Variants in JAZF1 observed in about 807,000 individuals in gnomAD.
The protein encoded by JAZF1 is juxtaposed with another zinc finger protein 1.
In JAZF1, 8 loss-of-function variants were observed where a neutral mutation model predicts 26.4. That is an observed-to-expected ratio of 0.30 (90% CI 0.18 to 0.55). The LOEUF (loss-of-function observed/expected upper bound fraction) is 0.55. JAZF1 is among the 20% of genes least tolerant of loss of function. JAZF1 has a pLI of 0.94. For synonymous variants in JAZF1, 126 were observed against 122.3 expected, an observed-to-expected ratio of 1.03 and a Z score of -0.20; for missense variants, 199 against 322.0, an observed-to-expected ratio of 0.62 and a Z score of 2.92.
At chr7:27,963,727 T>A (rs1386198041) in intron 2 of JAZF1, among the ~76,000 whole-genome samples, 2 of 772 alleles carry the variant, frequency 2.6e-3, no homozygotes, top group African/African-American at 0.062. Context: ...ACACCGGTTT[T>A]GTTTTGTTTT....
chr7:28,170,999 G>A (rs1001324563), intron 1 of JAZF1, among the ~76,000 whole-genome samples: 1 of 152,054 alleles, frequency 6.6e-6, no homozygotes, highest in Non-Finnish European at 1.5e-5. Flanking sequence ...AATCAATCTC[G>A]GGATCCCCCC....
chr7:28,144,826 T>G (rs1783001327), intron 1 of JAZF1, among the ~76,000 whole-genome samples: 2 of 152,206 alleles, frequency 1.3e-5, no homozygotes, highest in African/African-American at 2.4e-5. Context: ...TCAGCCTTTT[T>G]AAATCAAAGG....
At chr7:28,045,586 T>C (rs568889578) in intron 1 of JAZF1, among the ~76,000 whole-genome samples, 1 of 152,290 alleles carries the variant, frequency 6.6e-6, no homozygotes, top group Admixed American at 6.5e-5. Context: ...ATTTTGTTTT[T>C]GTTTTTTAGA....
chr7:28,021,079 T>C (rs551429472), intron 1 of JAZF1, among the ~76,000 whole-genome samples: 7 of 152,270 alleles, frequency 4.6e-5, no homozygotes, highest in East Asian at 3.9e-4. Context: ...TGGGGGATAC[T>C]AGTGCACCTC....
chr7:27,992,969 C>T (rs936576561), intron 1 of JAZF1, among the ~76,000 whole-genome samples: 1 of 152,150 alleles, frequency 6.6e-6, no homozygotes, highest in African/African-American at 2.4e-5. Flanking sequence ...TGTCCACTAA[C>T]TCCAAAGTGC....
At chr7:28,023,679 T>C (rs1302609702) in intron 1 of JAZF1, among the ~76,000 whole-genome samples, 2 of 152,234 alleles carry the variant, frequency 1.3e-5, no homozygotes, top group African/African-American at 2.4e-5. Flanking sequence ...TGCGTGTTAA[T>C]GAGTCCAGCA....
chr7:28,062,783 CCTAT>C (rs1254601684), intron 1 of JAZF1, among the ~76,000 whole-genome samples: 1 of 152,168 alleles, frequency 6.6e-6, no homozygotes, highest in Non-Finnish European at 1.5e-5. Flanking sequence ...TAGTTACTCT[CCTAT>C]CTTAGTTTAG....
intron 4 of JAZF1, among the ~76,000 whole-genome samples, chr7:27,836,504 T>C (rs979807470): frequency 6.6e-6 from 1 of 152,216 alleles, no homozygotes; most frequent in Non-Finnish European, 1.5e-5. Context: ...TACTCAGGCC[T>C]TCATGTGTAC....
intron 3 of JAZF1, among the ~76,000 whole-genome samples, chr7:27,874,206 C>T (rs2128338420): frequency 6.6e-6 from 1 of 152,342 alleles, no homozygotes; most frequent in East Asian, 1.9e-4. Context: ...CAGCCCTGGC[C>T]CTGATCCCAC....
intron 4 of JAZF1, among the ~76,000 whole-genome samples, chr7:27,835,328 A>T (rs1782785009): frequency 6.6e-6 from 1 of 152,228 alleles, no homozygotes; most frequent in African/African-American, 2.4e-5. Flanking sequence ...AAATTGCTAA[A>T]GCCATAAAAG....
intron 3 of JAZF1, among the ~76,000 whole-genome samples, chr7:27,883,864 T>C (rs928906198): frequency 1.3e-5 from 2 of 152,232 alleles, no homozygotes; most frequent in Admixed American, 1.3e-4. Flanking sequence ...AACTGGTTTA[T>C]TTGTCCATGT....
chr7:28,119,050 T>G (rs973860830), intron 1 of JAZF1, among the ~76,000 whole-genome samples: 1 of 152,196 alleles, frequency 6.6e-6, no homozygotes, highest in Admixed American at 6.5e-5. Flanking sequence ...ACCTCTGTGC[T>G]GTTAAAAGAA....
chr7:27,894,015 T>C lies in JAZF1; in HGVS notation c.385+1205A>G, dbSNP rs537991581. Among the ~76,000 whole-genome samples, 42 of 152,374 alleles carry C rather than the reference T, an allele frequency of 2.8e-4. 1 individual carries two copies. The South Asian group carries it at 8.1e-3, about 29-fold the overall frequency. On this transcript the variant is annotated intron_variant, in intron 3 of 4. Coordinates refer to ENST00000283928, the MANE Select transcript of JAZF1 (RefSeq NM_175061.4). ...AGCTCCATTCTGTGGTTTAGCTTTA[T>C]GTAATAATACAGTTGATATTTTGTT... is the stretch of plus-strand genomic sequence containing the variant.
intron 1 of JAZF1, among the ~76,000 whole-genome samples, chr7:28,089,745 T>C (rs1784265232): frequency 6.6e-6 from 1 of 152,230 alleles, no homozygotes; most frequent in Admixed American, 6.5e-5. Flanking sequence ...ATTGAATAAT[T>C]AAGAAAAGTA....
At position 27,957,137 on chromosome 7, in the gene JAZF1, C is replaced by T. The variant is rs115884108; in HGVS notation, c.188+34772G>A. 5.2e-3 allele frequency among the ~76,000 whole-genome samples: 791 copies of T among 150,942 alleles called. 9 individuals carry two copies. The highest frequency in any genetic ancestry group is 0.018 in the African/African-American group (751 of 40,810). On this transcript the variant is annotated intron_variant, in intron 2 of 4. Coordinates refer to ENST00000283928, the MANE Select transcript of JAZF1 (RefSeq NM_175061.4). ...ATAGGAATCATCTTTGGTTCTCTTCCGGGTAAGTGAACTGAATTTAAATCC... is the reference window on the plus strand; with the variant it reads ...ATAGGAATCATCTTTGGTTCTCTTCTGGGTAAGTGAACTGAATTTAAATCC...
At chr7:28,059,158 A>G (rs889641511) in intron 1 of JAZF1, among the ~76,000 whole-genome samples, 3 of 152,082 alleles carry the variant, frequency 2.0e-5, no homozygotes, top group Non-Finnish European at 4.4e-5. Flanking sequence ...TTTGTAATTA[A>G]TAATATTTTT....
At chr7:27,857,776 A>T (rs1177533302) in intron 3 of JAZF1, among the ~76,000 whole-genome samples, 1 of 152,218 alleles carries the variant, frequency 6.6e-6, no homozygotes, top group Non-Finnish European at 1.5e-5. Flanking sequence ...ACAAACCCAC[A>T]GCCAATATCA....
At chr7:28,108,684 A>G (rs147549201) in intron 1 of JAZF1, among the ~76,000 whole-genome samples, 8 of 152,354 alleles carry the variant, frequency 5.3e-5, no homozygotes, top group African/African-American at 1.2e-4. Context: ...TGTGTGATCC[A>G]GCAACCCCAC....
chr7:27,882,258 T>C (rs1165531094), intron 3 of JAZF1, among the ~76,000 whole-genome samples: 4 of 151,962 alleles, frequency 2.6e-5, no homozygotes, highest in South Asian at 2.1e-4. Context: ...TAGTTTCTTA[T>C]GGTTGATTTT....
Sources: gnomAD v4.1 joint callset for allele counts (sites outside exome capture counted in the v4.1 genomes callset) on GRCh38, gnomAD v4.1.1 for gene constraint, MANE v1.5 for transcripts, NCBI Gene and HGNC (gene_info 2026-07-23, HGNC 2026-07-21) for gene names.